KPNA3: variants seen among roughly 807,000 people sequenced by gnomAD.
The protein encoded by KPNA3 is importin subunit alpha-4.
In KPNA3, 13 loss-of-function variants were observed where a neutral mutation model predicts 73.8. The ratio of observed to expected loss-of-function variants is 0.18; its 90% CI spans 0.11 to 0.28. The LOEUF (loss-of-function observed/expected upper bound fraction) is 0.28, where lower values mean the gene tolerates loss of function less well. Ranked by LOEUF, KPNA3 falls within the 10% of genes least tolerant of loss-of-function variation. The probability of loss-of-function intolerance (pLI) is 1.00; values close to 1 mark genes in which losing one functional copy is unlikely to be tolerated. For missense variants in KPNA3, 360 were observed against 618.1 expected (o/e 0.58, Z 4.43); for synonymous variants, 186 against 206.9 (o/e 0.90, Z 0.87).
chr13:49,722,202 T>C (rs1419952823), intron 8 of KPNA3, 78 bp from the exon 9 acceptor site: 2 of 961,446 alleles, frequency 2.1e-6, no homozygotes, highest in Non-Finnish European at 3.0e-6. Context: ...ATGGCTCATG[T>C]GGGAACACTG....
At chr13:49,744,975 A>T (rs998694900) in intron 2 of KPNA3, among the ~76,000 whole-genome samples, 1 of 152,042 alleles carries the variant, frequency 6.6e-6, no homozygotes, top group Non-Finnish European at 1.5e-5. Flanking sequence ...GCCCAATTTT[A>T]AAAAAAACCT....
chr13:49,768,355 G>GTA (rs999985652), intron 1 of KPNA3, among the ~76,000 whole-genome samples: 2 of 151,062 alleles, frequency 1.3e-5, no homozygotes, highest in African/African-American at 4.9e-5. Context: ...AGTGCAAAAT[G>GTA]TATTTAAAAT....
rs192573222 is a variant in KPNA3 at position 49,779,694 on chromosome 13, A to T, written c.69+12744T>A. 4.6e-4 allele frequency among the ~76,000 whole-genome samples: 70 copies of T among 152,316 alleles called. 1 individual carries two copies. In the East Asian group the frequency reaches 0.011, roughly 24 times the overall value. On this transcript the variant is annotated intron_variant, in intron 1 of 16. Coordinates refer to ENST00000261667, the MANE Select transcript of KPNA3 (RefSeq NM_002267.4). ...TCCACCCTACGTCTTCCTCAAGCTAACCTGTGATTCCTCCTTCCCATGACT... is the reference window on the plus strand; with the variant it reads ...TCCACCCTACGTCTTCCTCAAGCTATCCTGTGATTCCTCCTTCCCATGACT...
chr13:49,729,551 G>A (rs1446191770), intron 6 of KPNA3, among the ~76,000 whole-genome samples: 2 of 152,206 alleles, frequency 1.3e-5, no homozygotes, highest in Non-Finnish European at 1.5e-5. Context: ...TTGAGAGGCC[G>A]AGGTGGGTGG....
Position 49,722,020 on chromosome 13 carries a change from T to C in KPNA3, c.661A>G (p.Thr221Ala). The C allele has an allele frequency of 6.2e-7, 1 of 1,612,456 alleles. No homozygotes were observed. The highest frequency in any genetic ancestry group is 8.5e-7 in the Non-Finnish European group (1 of 1,179,020). The change falls in exon 9 of 17, where the codon ACA becomes GCA. Residue 221 changes from threonine (T) to alanine (A), a missense_variant. This residue lies in a region of KPNA3 where 287 missense variants were observed against 549.1 expected (regional missense o/e 0.52). Coordinates refer to ENST00000261667, the MANE Select transcript of KPNA3 (RefSeq NM_002267.4). ...SIPITFLRNV[T>A]WVIVNLCRNK... is the part of the protein sequence containing the mutation. ...CTGCAGAGATTGACAATGACCCATG[T>C]GACGTTCCGAAGGAAGGTGATGGGG...
At chr13:49,718,011 G>A (rs1954320989) in intron 10 of KPNA3, among the ~76,000 whole-genome samples, 1 of 151,772 alleles carries the variant, frequency 6.6e-6, no homozygotes, top group South Asian at 2.1e-4. Context: ...TTCACTGTGA[G>A]CCTATGGATT....
At chr13:49,747,496 C>A (rs1254495300) in intron 1 of KPNA3, among the ~76,000 whole-genome samples, 1 of 152,106 alleles carries the variant, frequency 6.6e-6, no homozygotes, top group East Asian at 1.9e-4. Context: ...ATCAGCCTGG[C>A]CAACATGGCA....
chr13:49,720,058 ATC>A (rs1472544876), intron 9 of KPNA3, among the ~76,000 whole-genome samples: 1 of 152,206 alleles, frequency 6.6e-6, no homozygotes, highest in Non-Finnish European at 1.5e-5. Context: ...ATCCAAATAA[ATC>A]TGGCAGAAGT....
At chr13:49,780,719 CTTTTT>C (rs11352434) in intron 1 of KPNA3, among the ~76,000 whole-genome samples, 1 of 130,468 alleles carries the variant, frequency 7.7e-6, no homozygotes. Flanking sequence ...AAAAATATTT[CTTTTT>C]TTTTTTTTTT....
chr13:49,776,589 AAT>A (rs1490149367), intron 1 of KPNA3, among the ~76,000 whole-genome samples: 1 of 152,206 alleles, frequency 6.6e-6, no homozygotes, highest in South Asian at 2.1e-4. Context: ...CCCTTTAAAA[AAT>A]AGTTAATTTT....
At chr13:49,772,107 A>G (rs1954860660) in intron 1 of KPNA3, among the ~76,000 whole-genome samples, 1 of 152,240 alleles carries the variant, frequency 6.6e-6, no homozygotes, top group African/African-American at 2.4e-5. Context: ...CCAGAAGATC[A>G]TATCATTTGC....
In KPNA3 at chr13:49,719,886, T is replaced by G. The variant is rs1034018249; in HGVS notation, c.727-67A>C. 6.6e-6 allele frequency: 7 copies of G among 1,056,836 alleles called. No individual in the cohort carries two copies. In the African/African-American group the frequency reaches 8.0e-5, roughly 12 times the overall value. The allele number at this position is 1,056,836 out of a possible 1,614,324, so 65.5% of individuals were successfully genotyped here. A position where few individuals can be genotyped will look rare whatever the true frequency, so the allele number is the denominator to read the frequency against. ...ATATGTCTGTAAAAATGAACAACTT[T>G]GACATAAAAAGCGGTAAATATGGTT... On this transcript the variant is annotated intron_variant, in intron 9 of 16. Transcript: ENST00000261667.
chr13:49,701,636 C>G lies in KPNA3; in HGVS notation c.*164G>C, dbSNP rs991137175. ...GCATTTACAGTCCATGTGATAGTGA[C>G]TTTTGGCAACTGCAAAGTGACTGAG... On this transcript the variant is annotated 3_prime_UTR_variant, in exon 17 of 17. Transcript: ENST00000261667. 11 of 757,238 alleles carry G rather than the reference C, an allele frequency of 1.5e-5. No individual in the cohort carries two copies. Among genetic ancestry groups the G allele is most frequent in the Non-Finnish European group, 2.5e-5 (10 of 404,550 alleles). The allele number at this position is 757,238 out of a possible 1,614,324, so 46.9% of individuals were successfully genotyped here.
chr13:49,763,438 A>C (rs1954784630), intron 1 of KPNA3, among the ~76,000 whole-genome samples: 1 of 152,188 alleles, frequency 6.6e-6, no homozygotes, highest in Admixed American at 6.5e-5. Context: ...AAAATACAAA[A>C]CAGTGTTTGT....
At chr13:49,791,480 A>G (rs556520501) in intron 1 of KPNA3, among the ~76,000 whole-genome samples, 7 of 152,370 alleles carry the variant, frequency 4.6e-5, no homozygotes, top group African/African-American at 1.7e-4. Context: ...TTAATGAGAC[A>G]ATGGCAACAT....
At position 49,751,143 on chromosome 13, in the gene KPNA3, C is replaced by T. The variant is rs185685357; in HGVS notation, c.70-4150G>A. 2.8e-4 allele frequency among the ~76,000 whole-genome samples: 43 copies of T among 152,294 alleles called. No homozygotes were observed. The East Asian group carries it at 7.7e-3, about 27-fold the overall frequency. On this transcript the variant is annotated intron_variant, in intron 1 of 16. Coordinates refer to ENST00000261667, the MANE Select transcript of KPNA3 (RefSeq NM_002267.4). ...GGCTGGAAGAGAGATGGTTTAAAGG[C>T]TTCAAACTCAGTATGCTTAAAACTA... is the stretch of plus-strand genomic sequence containing the variant.
chr13:49,731,825 T>C (rs745655070), intron 6 of KPNA3, among the ~76,000 whole-genome samples: 50 of 152,214 alleles, frequency 3.3e-4, no homozygotes, highest in Admixed American at 1.2e-3. Context: ...TTTTACTCCT[T>C]CTCTCCTGGG....
At chr13:49,772,149 C>G (rs1004883106) in intron 1 of KPNA3, among the ~76,000 whole-genome samples, 1 of 152,068 alleles carries the variant, frequency 6.6e-6, no homozygotes, top group Non-Finnish European at 1.5e-5. Context: ...ATTTTCCAAC[C>G]TGGTTATCTT....
intron 1 of KPNA3, among the ~76,000 whole-genome samples, chr13:49,769,427 A>G (rs1443422774): frequency 1.3e-5 from 2 of 152,180 alleles, no homozygotes; most frequent in East Asian, 1.9e-4. Context: ...CATACCCTTT[A>G]GCATTTGTTC....
Sources: allele counts gnomAD v4.1 joint callset (sites outside exome capture counted in the v4.1 genomes callset), GRCh38; gene constraint gnomAD v4.1.1; regional missense constraint gnomAD v4.1.1; transcripts MANE v1.5; gene names NCBI Gene and HGNC (gene_info 2026-07-23, HGNC 2026-07-21).